SDHC: variants seen among roughly 807,000 people sequenced by gnomAD.
SDHC encodes succinate dehydrogenase complex subunit C.
In SDHC, 11 loss-of-function variants were observed where a neutral mutation model predicts 22.6. The observed-to-expected ratio is 0.49, with a 90% confidence interval of 0.31 to 0.81. SDHC has a LOEUF of 0.81. SDHC is among the 30% of genes least tolerant of loss of function. The pLI is 0.05. For missense variants in SDHC, 160 were observed against 212.0 expected, an observed-to-expected ratio of 0.75 and a Z score of 1.52; for synonymous variants, 80 against 77.8, an observed-to-expected ratio of 1.03 and a Z score of -0.15.
intron 2 of SDHC, chr1:161,326,533 TTCTCTCTTTC>T (rs1277234074): frequency 2.9e-5 from 4 of 137,240 alleles, no homozygotes; most frequent in Admixed American, 1.4e-4. Flanking sequence ...TCTTTTTTTC[TTCTCTCTTTC>T]TCTCTCTTTT....
chr1:161,331,870 C>CA (rs1251048813), intron 3 of SDHC, among the ~76,000 whole-genome samples: 1 of 152,208 alleles, frequency 6.6e-6, no homozygotes, highest in Non-Finnish European at 1.5e-5. Context: ...GCTGGGATTA[C>CA]AGGCATGAGC....
intron 5 of SDHC, among the ~76,000 whole-genome samples, chr1:161,357,206 C>T (rs999998755): frequency 1.3e-5 from 2 of 151,924 alleles, no homozygotes; most frequent in East Asian, 3.9e-4. Flanking sequence ...GGATTATAGG[C>T]GTGAGCCACC....
At chr1:161,325,433 AC>A (rs959719622) in intron 2 of SDHC, among the ~76,000 whole-genome samples, 1 of 152,064 alleles carries the variant, frequency 6.6e-6, no homozygotes, top group Non-Finnish European at 1.5e-5. Context: ...TAATCCTAGC[AC>A]TTTCGGAGGC....
chr1:161,355,674 C>T (rs1672242939), intron 4 of SDHC, among the ~76,000 whole-genome samples: 2 of 151,948 alleles, frequency 1.3e-5, no homozygotes. Flanking sequence ...TCAGAGGTAG[C>T]AACACTAGAA....
chr1:161,331,774 T>C lies in SDHC; in HGVS notation c.179+3277T>C, dbSNP rs564054487. On this transcript the variant is annotated intron_variant, in intron 3 of 5. Coordinates refer to ENST00000367975, the MANE Select transcript of SDHC (RefSeq NM_003001.5). Reference sequence around the variant, plus strand: ...CCATACCTGGCTAATTTTTTGTATTTTTCGTAGAGACGGGGTTTCGCTATG... The same window carrying C: ...CCATACCTGGCTAATTTTTTGTATTCTTCGTAGAGACGGGGTTTCGCTATG... Among the ~76,000 whole-genome samples, 189 of 151,838 alleles carry C rather than the reference T, an allele frequency of 1.2e-3. 1 individual carries two copies. Among genetic ancestry groups the C allele is most frequent in the African/African-American group, 4.5e-3 (185 of 41,402 alleles).
In SDHC at chr1:161,356,503, T is replaced by C. The variant is rs12757174; in HGVS notation, c.242-174T>C. On this transcript the variant is annotated intron_variant, in intron 4 of 5. Coordinates refer to ENST00000367975, the MANE Select transcript of SDHC (RefSeq NM_003001.5). ...GCAGTGAGCCAAGATTGCACCACTA[T>C]ACTCCAGCCTGGGTGACAGAATGAG... 0.38 allele frequency among the ~76,000 whole-genome samples: 57,722 copies of C among 151,984 alleles called. 12,252 individuals carry two copies. Among genetic ancestry groups the C allele is most frequent in the African/African-American group, 0.58 (24,010 of 41,442 alleles).
chr1:161,358,032 CTTTTTTTTT>C (rs34253350), intron 5 of SDHC, among the ~76,000 whole-genome samples: 1 of 104,830 alleles, frequency 9.5e-6, no homozygotes, highest in Non-Finnish European at 1.9e-5. Context: ...GGTTAGGAAT[CTTTTTTTTT>C]TTTTTTTTTT....
intron 1 of SDHC, chr1:161,314,957 A>G (rs890307017): frequency 6.5e-6 from 1 of 153,490 alleles, no homozygotes; most frequent in African/African-American, 2.4e-5. Flanking sequence ...ATTAGCACCC[A>G]GGGCGGACCT....
chr1:161,328,633 G>A (rs1671163122), intron 3 of SDHC, 136 bp downstream of exon 3: 1 of 694,944 alleles, frequency 1.4e-6, no homozygotes, highest in African/African-American at 1.8e-5. Context: ...GAACCCTTCA[G>A]GGTAGAGGGA....
chr1:161,328,817 T>C (rs1671168184), intron 3 of SDHC, among the ~76,000 whole-genome samples: 1 of 152,204 alleles, frequency 6.6e-6, no homozygotes, highest in Admixed American at 6.5e-5. Flanking sequence ...ACATAAACGT[T>C]GCAGAAATAA....
intron 3 of SDHC, among the ~76,000 whole-genome samples, chr1:161,340,219 G>A (rs952007284): frequency 8.5e-5 from 13 of 152,194 alleles, no homozygotes; most frequent in South Asian, 4.1e-4. Context: ...AACCCGGGAG[G>A]CAGAGGTTGG....
chr1:161,323,702 A>T lies in SDHC; in HGVS notation c.77+32A>T, dbSNP rs77828459. On this transcript the variant is annotated intron_variant, in intron 2 of 5. Coordinates refer to ENST00000367975, the MANE Select transcript of SDHC (RefSeq NM_003001.5). Reference sequence around the variant, plus strand: ...TTCTAAGTCTGGAGATTATTTATTTATTTTTTTTTTTGAGACGGAGTCTCG... The same window carrying T: ...TTCTAAGTCTGGAGATTATTTATTTTTTTTTTTTTTTGAGACGGAGTCTCG... 0.084 allele frequency: 110,015 copies of T among 1,302,308 alleles called. 4,580 individuals carry two copies. Among genetic ancestry groups the T allele is most frequent in the East Asian group, 0.24 (9,459 of 38,724 alleles). The allele number at this position is 1,302,308 out of a possible 1,614,324, so 80.7% of individuals were successfully genotyped here. A position where few individuals can be genotyped will look rare whatever the true frequency, so the allele number is the denominator to read the frequency against.
intron 3 of SDHC, among the ~76,000 whole-genome samples, chr1:161,339,192 A>G (rs953657705): frequency 1.3e-5 from 2 of 151,838 alleles, no homozygotes; most frequent in East Asian, 3.9e-4. Flanking sequence ...TTATTTATTT[A>G]GAGGCATGGT....
rs570810895 is a variant in SDHC at position 161,348,904 on chromosome 1, C to G, written c.242-7773C>G. Among the ~76,000 whole-genome samples the G allele has an allele frequency of 2.1e-3, 254 of 119,324 alleles. 1 individual carries two copies. The highest frequency in any genetic ancestry group is 0.018 in the South Asian group (56 of 3,198). 78.3% of individuals were successfully genotyped at this position (119,324 alleles called of 152,430 possible). A position where few individuals can be genotyped will look rare whatever the true frequency, so the allele number is the denominator to read the frequency against. ...CAGAAAAAGTCTATTTGACTTTTTC[C>G]TATAAAAGTCTAGTTGAATTTAGGT... On this transcript the variant is annotated intron_variant, in intron 4 of 5. Coordinates refer to ENST00000367975, the MANE Select transcript of SDHC (RefSeq NM_003001.5).
At chr1:161,328,248 C>CGCCT in intron 2 of SDHC, 148 bp from the exon 3 acceptor site, 1 of 661,162 alleles carries the variant, frequency 1.5e-6, no homozygotes, top group Non-Finnish European at 2.8e-6. Flanking sequence ...GTGATCCGCC[C>CGCCT]GCCTCGGCCT....
At chr1:161,356,449 G>A (rs559874614) in intron 4 of SDHC, among the ~76,000 whole-genome samples, 1 of 152,246 alleles carries the variant, frequency 6.6e-6, no homozygotes, top group East Asian at 1.9e-4. Flanking sequence ...TGAAGCAGGA[G>A]ACTCGCTTGA....
At chr1:161,333,962 T>C (rs1671377352) in intron 3 of SDHC, among the ~76,000 whole-genome samples, 1 of 152,216 alleles carries the variant, frequency 6.6e-6, no homozygotes, top group South Asian at 2.1e-4. Flanking sequence ...ACTCCTCTTC[T>C]AGTTACCACA....
intron 5 of SDHC, among the ~76,000 whole-genome samples, chr1:161,361,465 A>G (rs1672506294): frequency 6.6e-6 from 1 of 152,158 alleles, no homozygotes; most frequent in South Asian, 2.1e-4. Context: ...GTTTCCCTCT[A>G]TAAAAAGATT....
intron 4 of SDHC, among the ~76,000 whole-genome samples, chr1:161,347,242 C>T (rs1057250612): frequency 6.6e-6 from 1 of 152,038 alleles, no homozygotes; most frequent in African/African-American, 2.4e-5. Flanking sequence ...ATGATTATGA[C>T]GAGGTCTGTT....
Sources: allele counts gnomAD v4.1 joint callset (sites outside exome capture counted in the v4.1 genomes callset), GRCh38; gene constraint gnomAD v4.1.1; transcripts MANE v1.5; gene names NCBI Gene and HGNC (gene_info 2026-07-23, HGNC 2026-07-21).